The following THADA variants were observed in gnomAD, a reference collection of about 807,000 sequenced individuals.
THADA encodes the protein tRNA (32-2'-O)-methyltransferase regulator THADA.
Under a neutral mutation model 219.8 loss-of-function variants are expected in THADA, and 213 were observed. The ratio of observed to expected loss-of-function variants is 0.97; its 90% CI spans 0.87 to 1.09. The LOEUF (loss-of-function observed/expected upper bound fraction) is 1.09. Among genes scored for constraint, THADA ranks in the 50% least tolerant of loss-of-function variants. The pLI is 0.00. For synonymous variants in THADA, 1,018 were observed against 828.9 expected (o/e 1.23, Z -3.92); for missense variants, 2,956 against 2,311.3 (o/e 1.28, Z -5.72).
intron 29 of THADA, among the ~76,000 whole-genome samples, chr2:43,389,808 T>C (rs1425273019): frequency 2.0e-5 from 3 of 152,218 alleles, no homozygotes; most frequent in Non-Finnish European, 4.4e-5. Context: ...CCTTCTCTCA[T>C]GTCTCCAGTC....
chr2:43,241,922 C>T (rs1233522669), intron 36 of THADA, among the ~76,000 whole-genome samples: 1 of 152,210 alleles, frequency 6.6e-6, no homozygotes, highest in Non-Finnish European at 1.5e-5. Context: ...CTCAACCAAA[C>T]CTCATCTCAG....
chr2:43,533,281 A>G (rs535734974), intron 21 of THADA, among the ~76,000 whole-genome samples: 24 of 152,322 alleles, frequency 1.6e-4, no homozygotes, highest in African/African-American at 5.8e-4. Flanking sequence ...ACACTTTTAC[A>G]CTGTTGGTGG....
At chr2:43,384,797 C>G (rs1672443059) in intron 29 of THADA, among the ~76,000 whole-genome samples, 1 of 152,104 alleles carries the variant, frequency 6.6e-6, no homozygotes, top group Non-Finnish European at 1.5e-5. Context: ...GTGACTCTAT[C>G]TCTACAAAAA....
intron 9 of THADA, among the ~76,000 whole-genome samples, chr2:43,578,079 A>G (rs1019229565): frequency 1.3e-5 from 2 of 152,030 alleles, no homozygotes; most frequent in African/African-American, 4.8e-5. Flanking sequence ...TTATTATAAC[A>G]GAAAAAGGTC....
At chr2:43,511,521 T>C (rs1690442616) in intron 22 of THADA, among the ~76,000 whole-genome samples, 1 of 152,168 alleles carries the variant, frequency 6.6e-6, no homozygotes, top group Admixed American at 6.5e-5. Flanking sequence ...CAAACTCTCC[T>C]AGCTTGAAAG....
intron 31 of THADA, among the ~76,000 whole-genome samples, chr2:43,313,280 G>A (rs2095962244): frequency 6.6e-6 from 1 of 152,086 alleles, no homozygotes; most frequent in Admixed American, 6.6e-5. Flanking sequence ...TCTTCTAATC[G>A]TACACTGATC....
chr2:43,442,018 T>C (rs1680900424), intron 26 of THADA, among the ~76,000 whole-genome samples: 2 of 152,200 alleles, frequency 1.3e-5, no homozygotes, highest in South Asian at 4.1e-4. Flanking sequence ...TCACATACAA[T>C]ATAACTAATA....
intron 26 of THADA, among the ~76,000 whole-genome samples, chr2:43,431,627 G>A (rs1247060029): frequency 1.7e-4 from 19 of 111,678 alleles, no homozygotes; most frequent in African/African-American, 6.2e-4. Flanking sequence ...CACCACGCCC[G>A]GATAATTTTT....
chr2:43,509,643 AT>A (rs892740198), intron 22 of THADA, among the ~76,000 whole-genome samples: 1 of 151,680 alleles, frequency 6.6e-6, no homozygotes, highest in African/African-American at 2.4e-5. Context: ...GAACATTGGG[AT>A]TTTTTTTTCT....
At chr2:43,242,878 C>T (rs368192603) in intron 36 of THADA, among the ~76,000 whole-genome samples, 9 of 152,260 alleles carry the variant, frequency 5.9e-5, no homozygotes, top group Admixed American at 6.5e-5. Context: ...GATTATTTTC[C>T]GTTTTCCATT....
At chr2:43,365,514 C>T (rs974474230) in intron 29 of THADA, among the ~76,000 whole-genome samples, 31 of 150,896 alleles carry the variant, frequency 2.1e-4, no homozygotes, top group South Asian at 6.3e-4. Context: ...GAGGCTGCAG[C>T]GAGCTGAGAT....
intron 29 of THADA, among the ~76,000 whole-genome samples, chr2:43,378,230 T>G (rs1671607117): frequency 6.6e-6 from 1 of 152,208 alleles, no homozygotes; most frequent in East Asian, 1.9e-4. Flanking sequence ...AAGTACTTAT[T>G]TCACCTGTGT....
chr2:43,417,312 C>T (rs1677123291), intron 28 of THADA, among the ~76,000 whole-genome samples: 1 of 152,048 alleles, frequency 6.6e-6, no homozygotes. Context: ...CAAATAATCT[C>T]ATTAAGATTT....
intron 36 of THADA, among the ~76,000 whole-genome samples, chr2:43,248,164 T>G (rs71420040): frequency 0.03 from 1,206 of 40,864 alleles, 65 homozygotes; most frequent in East Asian, 0.077. Flanking sequence ...TATATATATA[T>G]AGAGAGAGAG....
chr2:43,304,504 G>A (rs1227781306), intron 31 of THADA, among the ~76,000 whole-genome samples: 1 of 152,204 alleles, frequency 6.6e-6, no homozygotes, highest in Non-Finnish European at 1.5e-5. Flanking sequence ...CATTCTGTCT[G>A]CACTTGCACA....
At chr2:43,281,373 T>C (rs371567281) in intron 35 of THADA, among the ~76,000 whole-genome samples, 1 of 152,152 alleles carries the variant, frequency 6.6e-6, no homozygotes, top group African/African-American at 2.4e-5. Context: ...CTTCCCTCTT[T>C]AGTCCATTTC....
intron 28 of THADA, among the ~76,000 whole-genome samples, chr2:43,425,861 C>T (rs11124936): frequency 6.6e-6 from 1 of 151,970 alleles, no homozygotes. Flanking sequence ...TACAGAGCTA[C>T]AATTTGAACC....
chr2:43,382,677 G>C (rs1180106976), intron 29 of THADA, among the ~76,000 whole-genome samples: 2 of 152,168 alleles, frequency 1.3e-5, no homozygotes, highest in Non-Finnish European at 2.9e-5. Context: ...AAAGATTCTA[G>C]CCACTTCATG....
intron 15 of THADA, chr2:43,564,587 G>A (rs1184111303): frequency 6.6e-6 from 1 of 152,192 alleles, no homozygotes; most frequent in African/African-American, 2.4e-5. Context: ...TATCTGCAAG[G>A]ACCCTTCTTC....
Sources: gnomAD v4.1 joint callset for allele counts (sites outside exome capture counted in the v4.1 genomes callset) on GRCh38, gnomAD v4.1.1 for gene constraint, MANE v1.5 for transcripts, NCBI Gene and HGNC (gene_info 2026-07-23, HGNC 2026-07-21) for gene names.